The following NEDD4L variants were observed in gnomAD, a reference collection of about 807,000 sequenced individuals.
The protein encoded by NEDD4L is E3 ubiquitin-protein ligase NEDD4-like.
In NEDD4L, 54 loss-of-function variants were observed where a neutral mutation model predicts 148.9. The observed-to-expected ratio is 0.36, with a 90% CI of 0.29 to 0.45. NEDD4L has a LOEUF of 0.45. NEDD4L is among the 20% of genes least tolerant of loss of function. The pLI is 1.00. For missense variants in NEDD4L, 856 were observed against 1,233.8 expected (o/e 0.69, Z 4.59); for synonymous variants, 433 against 440.7 (o/e 0.98, Z 0.22).
At chr18:58,206,266 A>G (rs2041978183) in intron 2 of NEDD4L, among the ~76,000 whole-genome samples, 1 of 152,122 alleles carries the variant, frequency 6.6e-6, no homozygotes, top group Non-Finnish European at 1.5e-5. Flanking sequence ...GTATATGCCT[A>G]TAATTCCAGC....
Position 58,341,188 on chromosome 18 carries a change from A to T in NEDD4L, c.1257+19A>T. 6.2e-7 allele frequency: 1 copy of T among 1,610,662 alleles called. No homozygotes were observed. The highest frequency in any genetic ancestry group is 1.1e-5 in the South Asian group (1 of 89,802). ...CATGCAGGTACGAAGATTGCCATCC[A>T]ACTTAAAACCGCAGGCCATAGAAGC... On this transcript the variant is annotated intron_variant, in intron 14 of 30. Coordinates refer to ENST00000400345, the MANE Select transcript of NEDD4L (RefSeq NM_001144967.3).
chr18:58,366,251 T>G lies in NEDD4L; in HGVS notation c.2063+23T>G, dbSNP rs1174512000. On this transcript the variant is annotated intron_variant, in intron 21 of 30. Transcript: ENST00000400345. The surrounding 1 kb of genome is among the most constrained non-coding windows in gnomAD (Gnocchi z 4.2). Reference sequence around the variant, plus strand: ...CACGTAAGTATATGGCCACACCCAGTGTGTGTCCCCCACTGAGACAGTTGT... The same window carrying G: ...CACGTAAGTATATGGCCACACCCAGGGTGTGTCCCCCACTGAGACAGTTGT... 2 of 1,468,920 alleles carry G rather than the reference T, an allele frequency of 1.4e-6. No homozygotes were observed. The highest frequency in any genetic ancestry group is 1.9e-6 in the Non-Finnish European group (2 of 1,072,800). The allele number at this position is 1,468,920 out of a possible 1,614,324, so 91.0% of individuals were successfully genotyped here. A position where few individuals can be genotyped will look rare whatever the true frequency, so the allele number is the denominator to read the frequency against.
intron 8 of NEDD4L, 109 bp from the exon 9 acceptor site, chr18:58,324,887 C>T: frequency 9.9e-7 from 1 of 1,014,228 alleles, no homozygotes; most frequent in South Asian, 1.9e-5. Flanking sequence ...ATGGCTAGAG[C>T]CAGAGAGCCC....
chr18:58,092,613 A>G (rs904220417), intron 1 of NEDD4L, among the ~76,000 whole-genome samples: 9 of 151,992 alleles, frequency 5.9e-5, no homozygotes, highest in Non-Finnish European at 8.8e-5. Context: ...CACCATTCAC[A>G]TACTGGCTCT....
intron 1 of NEDD4L, among the ~76,000 whole-genome samples, chr18:58,149,108 A>G (rs561882147): frequency 6.6e-6 from 1 of 152,360 alleles, no homozygotes; most frequent in African/African-American, 2.4e-5. Context: ...TGGGGAAAAC[A>G]TGAAATATAC....
intron 16 of NEDD4L, 59 bp from the exon 17 acceptor site, chr18:58,349,478 A>G: frequency 7.0e-7 from 1 of 1,428,650 alleles, no homozygotes; most frequent in South Asian, 1.2e-5. Context: ...AAAAGCACCC[A>G]GTAACTGCAC....
chr18:58,275,357 C>T (rs539169127), intron 5 of NEDD4L, among the ~76,000 whole-genome samples: 3 of 152,184 alleles, frequency 2.0e-5, no homozygotes, highest in African/African-American at 7.2e-5. Context: ...GGTAGAAAAT[C>T]CTTGTATAAT....
intron 1 of NEDD4L, among the ~76,000 whole-genome samples, chr18:58,162,803 C>G (rs1328954529): frequency 6.6e-6 from 1 of 152,070 alleles, no homozygotes. Context: ...GTGGCTCACG[C>G]CTGTAATCCC....
At chr18:58,166,078 A>T (rs1175478943) in intron 2 of NEDD4L, among the ~76,000 whole-genome samples, 5 of 152,258 alleles carry the variant, frequency 3.3e-5, no homozygotes, top group Non-Finnish European at 7.3e-5. Context: ...AACAGTAGTT[A>T]ACAGCCTGTT....
At chr18:58,388,534 T>C (rs1209618537) in intron 27 of NEDD4L, 2 of 152,334 alleles carry the variant, frequency 1.3e-5, no homozygotes, top group Admixed American at 6.5e-5. Flanking sequence ...AGTTGCATAA[T>C]AGGAACGGCA....
chr18:58,115,045 C>G (rs1346766646), intron 1 of NEDD4L, among the ~76,000 whole-genome samples: 1 of 152,084 alleles, frequency 6.6e-6, no homozygotes, highest in East Asian at 1.9e-4. Context: ...GTAAGCTGAC[C>G]TAGTCACAGG....
At chr18:58,063,023 A>G (rs1452650272) in intron 1 of NEDD4L, among the ~76,000 whole-genome samples, 1 of 141,598 alleles carries the variant, frequency 7.1e-6, no homozygotes, top group Non-Finnish European at 1.5e-5. Flanking sequence ...AGGGTCGATA[A>G]TTTCATTTAT....
intron 1 of NEDD4L, among the ~76,000 whole-genome samples, chr18:58,160,769 G>A (rs12967110): frequency 0.49 from 73,857 of 152,018 alleles, 18,188 homozygotes; most frequent in Admixed American, 0.56. Context: ...TCATTTTGAG[G>A]AAACAAAGAT....
intron 2 of NEDD4L, among the ~76,000 whole-genome samples, chr18:58,176,087 A>G (rs778217821): frequency 4.3e-4 from 66 of 152,142 alleles, no homozygotes; most frequent in Admixed American, 1.1e-3. Flanking sequence ...CTAAGTGAGC[A>G]TGCAGGGAAT....
In NEDD4L at chr18:58,139,345, C is replaced by G. The variant is rs1329291714; in HGVS notation, c.49-26443C>G. ...CCCTCAGATACATTTCTGTCAGTAC[C>G]CTCAGTTACATATTTTGGGAGACGT... is the stretch of plus-strand genomic sequence containing the variant. On this transcript the variant is annotated intron_variant, in intron 1 of 30. Transcript: ENST00000400345. Among the ~76,000 whole-genome samples, 4 of 149,706 alleles carry G rather than the reference C, an allele frequency of 2.7e-5. 1 individual carries two copies. The highest frequency in any genetic ancestry group is 6.8e-3 in the Middle Eastern group (2 of 294).
At chr18:58,211,522 T>C (rs2042599185) in intron 2 of NEDD4L, among the ~76,000 whole-genome samples, 1 of 152,244 alleles carries the variant, frequency 6.6e-6, no homozygotes, top group South Asian at 2.1e-4. Flanking sequence ...AATTAAAACA[T>C]GTAATGCCTG....
At chr18:58,093,728 G>T (rs1023471752) in intron 1 of NEDD4L, among the ~76,000 whole-genome samples, 11 of 152,198 alleles carry the variant, frequency 7.2e-5, no homozygotes, top group African/African-American at 2.4e-4. Flanking sequence ...ATTTACGCCA[G>T]AGGAGGAGAA....
intron 2 of NEDD4L, among the ~76,000 whole-genome samples, chr18:58,185,546 A>G (rs1323407190): frequency 6.6e-6 from 1 of 152,218 alleles, no homozygotes; most frequent in African/African-American, 2.4e-5. Flanking sequence ...TTAAGTGGGT[A>G]CAACCTCTAG....
At chr18:58,359,605 C>CTTTGCCCACCATTGG (rs530849574) in intron 19 of NEDD4L, among the ~76,000 whole-genome samples, 1 of 152,198 alleles carries the variant, frequency 6.6e-6, no homozygotes, top group Admixed American at 6.5e-5. Flanking sequence ...AGACAAATTT[C>CTTTGCCCACCATTGG]TTTGCCCACC....
Sources: gnomAD v4.1 joint callset for allele counts (sites outside exome capture counted in the v4.1 genomes callset) on GRCh38, gnomAD v4.1.1 for gene constraint, Gnocchi (gnomAD v3.1) non-coding constraint, MANE v1.5 for transcripts, NCBI Gene and HGNC (gene_info 2026-07-23, HGNC 2026-07-21) for gene names.